CRPPA: variants seen among roughly 807,000 people sequenced by gnomAD.
CRPPA encodes CDP-L-ribitol pyrophosphorylase A.
A neutral mutation model predicts 52.0 loss-of-function variants in CRPPA; 43 were observed. That is an observed-to-expected ratio of 0.83 (90% confidence interval 0.65 to 1.07). CRPPA has a LOEUF of 1.07. Among genes scored for constraint, CRPPA ranks in the 50% least tolerant of loss-of-function variants. The probability of loss-of-function intolerance (pLI) is 0.00; values close to 1 mark genes in which losing one functional copy is unlikely to be tolerated. For synonymous variants in CRPPA, 250 were observed against 203.5 expected, an observed-to-expected ratio of 1.23 and a Z score of -1.94; for missense variants, 629 against 551.7, an observed-to-expected ratio of 1.14 and a Z score of -1.40.
At chr7:16,294,237 G>GT (rs921581475) in intron 5 of CRPPA, among the ~76,000 whole-genome samples, 4 of 151,548 alleles carry the variant, frequency 2.6e-5, no homozygotes, top group Admixed American at 1.3e-4. Flanking sequence ...GTTTTTTTGG[G>GT]TTTTTTTTAA....
Position 16,376,089 on chromosome 7 carries a change from T to C in CRPPA, c.684+3A>G. Reference sequence around the variant, plus strand: ...AGCTTATTCAAAAAGCCCAAATTCTTACCTGCTGATATGCTTCATAAATCA... The same window carrying C: ...AGCTTATTCAAAAAGCCCAAATTCTCACCTGCTGATATGCTTCATAAATCA... On this transcript the variant is annotated splice_donor_region_variant and intron_variant, in intron 3 of 9. Coordinates refer to ENST00000407010, the MANE Select transcript of CRPPA (RefSeq NM_001101426.4). 1 of 1,569,176 alleles carries C rather than the reference T, an allele frequency of 6.4e-7. No homozygotes were observed. Among genetic ancestry groups the C allele is most frequent in the Non-Finnish European group, 8.6e-7 (1 of 1,158,724 alleles).
intron 2 of CRPPA, among the ~76,000 whole-genome samples, chr7:16,387,076 TATATATATATACAC>T (rs796584445): frequency 0.14 from 8,887 of 65,484 alleles, 446 homozygotes; most frequent in East Asian, 0.18. Context: ...TATATATATA[TATATATATATACAC>T]ACATATATAT....
At chr7:16,104,551 G>A (rs1782110104) in intron 9 of CRPPA, among the ~76,000 whole-genome samples, 1 of 152,188 alleles carries the variant, frequency 6.6e-6, no homozygotes, top group South Asian at 2.1e-4. Flanking sequence ...GCACAAAGTA[G>A]GAATAATCTT....
Position 16,165,114 on chromosome 7 carries a change from C to T in CRPPA, c.1251+50952G>A, listed in dbSNP as rs552458380. Reference sequence around the variant, plus strand: ...GTGTGCCCACAGCTGCCCCTTCCCCCTAAAAGTCACCTTTCTTTAATTTTA... The same window carrying T: ...GTGTGCCCACAGCTGCCCCTTCCCCTTAAAAGTCACCTTTCTTTAATTTTA... On this transcript the variant is annotated intron_variant, in intron 9 of 9. Coordinates refer to ENST00000407010, the MANE Select transcript of CRPPA (RefSeq NM_001101426.4). 4.2e-4 allele frequency among the ~76,000 whole-genome samples: 64 copies of T among 152,190 alleles called. 1 individual carries two copies. The highest frequency in any genetic ancestry group is 1.4e-3 in the African/African-American group (60 of 41,546).
intron 9 of CRPPA, among the ~76,000 whole-genome samples, chr7:16,162,972 TC>T (rs1562533326): frequency 2.4e-4 from 31 of 130,402 alleles, no homozygotes; most frequent in African/African-American, 8.0e-4. Flanking sequence ...TTTTTCTTTC[TC>T]TTTTTTTTTT....
chr7:16,396,970 C>T (rs965486579), intron 2 of CRPPA, among the ~76,000 whole-genome samples: 2 of 152,164 alleles, frequency 1.3e-5, no homozygotes, highest in Non-Finnish European at 2.9e-5. Flanking sequence ...ACACGTGTGA[C>T]ACTGGTGACA....
chr7:16,174,671 T>A (rs1045346142), intron 9 of CRPPA, among the ~76,000 whole-genome samples: 1 of 152,022 alleles, frequency 6.6e-6, no homozygotes, highest in African/African-American at 2.4e-5. Flanking sequence ...AAGTACCTAA[T>A]CAACTACAAA....
At chr7:16,371,084 T>C (rs117041036) in intron 3 of CRPPA, among the ~76,000 whole-genome samples, 2,871 of 152,156 alleles carry the variant, frequency 0.019, 36 homozygotes, top group Non-Finnish European at 0.03. Flanking sequence ...GGAGCTGAGG[T>C]AGCTCCCACC....
At chr7:16,156,514 A>T (rs1783184584) in intron 9 of CRPPA, among the ~76,000 whole-genome samples, 1 of 152,198 alleles carries the variant, frequency 6.6e-6, no homozygotes, top group Admixed American at 6.5e-5. Context: ...ACTTTGCTCC[A>T]TACTTCTGCC....
chr7:16,379,859 A>C (rs1270521502), intron 2 of CRPPA, among the ~76,000 whole-genome samples: 1 of 152,170 alleles, frequency 6.6e-6, no homozygotes, highest in Non-Finnish European at 1.5e-5. Flanking sequence ...GACTTTGCTG[A>C]AGTTGCTTAT....
In CRPPA at chr7:16,421,264, C is replaced by A; in HGVS notation, c.59G>T (p.Gly20Val). ...AGCCGTGTGGTCCGCGCCGCGCTGA[C>A]CACTCAGGCAAGGACCCGGCTCCGC... Reference protein sequence around the residue: ...RPAEPGPCLSGQRGADHTASA... With the variant: ...RPAEPGPCLSVQRGADHTASA... The change falls in exon 1 of 10, where the codon GGT (glycine) becomes GTT (valine). Residue 20 changes from glycine (G) to valine (V), a missense_variant. By Grantham distance (109) the Gly-to-Val change is moderately radical. Transcript: ENST00000407010. The A allele has an allele frequency of 7.6e-7, 1 of 1,310,840 alleles. No homozygotes were observed. Among genetic ancestry groups the A allele is most frequent in the South Asian group, 2.4e-5 (1 of 42,244 alleles). 81.2% of individuals were successfully genotyped at this position (1,310,840 alleles called of 1,614,324 possible).
chr7:16,224,794 A>C (rs1489183404), intron 8 of CRPPA, among the ~76,000 whole-genome samples: 2 of 152,152 alleles, frequency 1.3e-5, no homozygotes, highest in Non-Finnish European at 2.9e-5. Flanking sequence ...TTTTAGAAAA[A>C]CTATCTTATT....
chr7:16,286,186 G>T (rs797001179), intron 5 of CRPPA, among the ~76,000 whole-genome samples: 5 of 145,652 alleles, frequency 3.4e-5, no homozygotes, highest in Admixed American at 6.9e-5. Flanking sequence ...CAACTTGACT[G>T]GACCACAGGG....
At chr7:16,398,056 G>A (rs540809753) in intron 2 of CRPPA, among the ~76,000 whole-genome samples, 22 of 152,348 alleles carry the variant, frequency 1.4e-4, no homozygotes, top group East Asian at 3.9e-4. Flanking sequence ...ACAGCTGATC[G>A]AAATGACCAG....
chr7:16,206,191 C>G (rs1230195013), intron 9 of CRPPA, among the ~76,000 whole-genome samples: 1 of 152,024 alleles, frequency 6.6e-6, no homozygotes, highest in Non-Finnish European at 1.5e-5. Context: ...AGTGGAGGGT[C>G]AAAATATTTT....
At chr7:16,290,092 C>T (rs1347195370) in intron 5 of CRPPA, among the ~76,000 whole-genome samples, 3 of 151,718 alleles carry the variant, frequency 2.0e-5, no homozygotes, top group Non-Finnish European at 4.4e-5. Flanking sequence ...AAATAAAATA[C>T]CCAGGAGGCA....
Position 16,157,366 on chromosome 7 carries a change from G to A in CRPPA, c.1251+58700C>T, listed in dbSNP as rs1027763458. Among the ~76,000 whole-genome samples, 13 of 151,998 alleles carry A rather than the reference G, an allele frequency of 8.6e-5. No individual in the cohort carries two copies. In the East Asian group the frequency reaches 9.7e-4, roughly 11 times the overall value. On this transcript the variant is annotated intron_variant, in intron 9 of 9. Coordinates refer to ENST00000407010, the MANE Select transcript of CRPPA (RefSeq NM_001101426.4). ...AACAATATGATTCTGCAACAAGTCC[G>A]TATTGATTAGGATAAAACCAAGTCA...
intron 6 of CRPPA, among the ~76,000 whole-genome samples, chr7:16,271,847 A>T (rs1384404830): frequency 6.6e-6 from 1 of 152,186 alleles, no homozygotes; most frequent in African/African-American, 2.4e-5. Flanking sequence ...GCTCCTTGGA[A>T]ATAGGAAATC....
At position 16,262,669 on chromosome 7, in the gene CRPPA, G is replaced by C. The variant is rs1562594034; in HGVS notation, c.934-3657C>G. Among the ~76,000 whole-genome samples, 3 of 152,246 alleles carry C rather than the reference G, an allele frequency of 2.0e-5. No individual in the cohort carries two copies. The South Asian group carries it at 6.2e-4, about 32-fold the overall frequency. On this transcript the variant is annotated intron_variant, in intron 6 of 9. Coordinates refer to ENST00000407010, the MANE Select transcript of CRPPA (RefSeq NM_001101426.4). ...ATAATTTTCTCTGTCTCTATGAGAT[G>C]CCACAGAAAATTGAGATATTTTCTA...
Sources: gnomAD v4.1 joint callset for allele counts (sites outside exome capture counted in the v4.1 genomes callset) on GRCh38, gnomAD v4.1.1 for gene constraint, MANE v1.5 for transcripts, NCBI Gene and HGNC (gene_info 2026-07-23, HGNC 2026-07-21) for gene names.